The following SAMSN1 variants were observed in gnomAD, a reference collection of about 807,000 sequenced individuals.
SAMSN1 encodes the protein SAM domain, SH3 domain and nuclear localization signals 1.
SAMSN1 carries 31 observed loss-of-function variants against 42.0 expected under a neutral mutation model. The observed-to-expected ratio is 0.74, with a 90% CI of 0.55 to 1.00. SAMSN1 has a LOEUF of 1.00. Ranked by LOEUF, SAMSN1 falls within the 50% of genes least tolerant of loss-of-function variation. The pLI is 0.00. For synonymous variants in SAMSN1, 178 were observed against 151.9 expected, an observed-to-expected ratio of 1.17 and a Z score of -1.26; for missense variants, 464 against 439.4, an observed-to-expected ratio of 1.06 and a Z score of -0.50.
chr21:14,557,604 C>T (rs1180929457), intron 2 of SAMSN1, among the ~76,000 whole-genome samples: 1 of 152,188 alleles, frequency 6.6e-6, no homozygotes, highest in Non-Finnish European at 1.5e-5. Flanking sequence ...TCCCCAGCTA[C>T]CAGTTAAGGG....
At chr21:14,517,129 T>C in intron 2 of SAMSN1, 88 bp from the exon 3 acceptor site, 1 of 1,282,822 alleles carries the variant, frequency 7.8e-7, no homozygotes, top group Non-Finnish European at 1.1e-6. Flanking sequence ...CATTCTGAGT[T>C]TGTGGATTTT....
intron 5 of SAMSN1, 147 bp downstream of exon 5, chr21:14,510,163 A>T (rs577107176): frequency 1.4e-6 from 1 of 726,958 alleles, no homozygotes; most frequent in African/African-American, 1.8e-5. Context: ...AAAAGAAAAA[A>T]AGTCTTAGTA....
intron 2 of SAMSN1, chr21:14,616,158 G>T (rs1982831255): frequency 5.8e-6 from 2 of 343,984 alleles, no homozygotes; most frequent in East Asian, 4.4e-5. Context: ...TAGTGAAAAA[G>T]ACTGATATGT....
rs149301003 is a variant in SAMSN1 at position 14,498,298 on chromosome 21, C to G, written c.919+144G>C. Reference sequence around the variant, plus strand: ...CATATTTGACCAGAGTTATTGTTTTCAAACTTATATGAAAATACCTATTTT... The same window carrying G: ...CATATTTGACCAGAGTTATTGTTTTGAAACTTATATGAAAATACCTATTTT... On this transcript the variant is annotated intron_variant, in intron 7 of 7. Coordinates refer to ENST00000400566, the MANE Select transcript of SAMSN1 (RefSeq NM_022136.5). 881 of 671,726 alleles carry G rather than the reference C, an allele frequency of 1.3e-3. 6 individuals carry two copies. Among genetic ancestry groups the G allele is most frequent in the African/African-American group, 0.013 (681 of 52,818 alleles). 41.6% of individuals were successfully genotyped at this position (671,726 alleles called of 1,614,324 possible). A position where few individuals can be genotyped will look rare whatever the true frequency, so the allele number is the denominator to read the frequency against.
chr21:14,636,902 T>A (rs1230742388), intron 2 of SAMSN1, among the ~76,000 whole-genome samples: 1 of 152,208 alleles, frequency 6.6e-6, no homozygotes, highest in African/African-American at 2.4e-5. Context: ...CTGTTTATTA[T>A]CAAGTATTGT....
chr21:14,594,425 T>C (rs755321654), intron 6 of SAMSN1, among the ~76,000 whole-genome samples: 25 of 152,084 alleles, frequency 1.6e-4, no homozygotes, highest in African/African-American at 2.7e-4. Context: ...TTTAGAAGGG[T>C]TGGTGGAAAG....
At chr21:14,654,983 A>G (rs770677694) in intron 1 of SAMSN1, among the ~76,000 whole-genome samples, 1 of 152,022 alleles carries the variant, frequency 6.6e-6, no homozygotes, top group Non-Finnish European at 1.5e-5. Context: ...AAATTAAACC[A>G]TTTAATTCCA....
chr21:14,582,280 G>T lies in SAMSN1; in HGVS notation c.117C>A (p.His39Gln), dbSNP rs139465416. 7,380 of 1,550,828 alleles carry T rather than the reference G, an allele frequency of 4.8e-3. 26 individuals are homozygous for T. Among genetic ancestry groups the T allele is most frequent in the East Asian group, 0.017 (710 of 40,920 alleles). ...GAGGGTTTTCAGGAAAAGGCTTCCA[G>T]TGATGCCACATGTAAGCTTCACCTT... Residue 39 changes from histidine to glutamine, a missense_variant, in exon 2 of 9, where the codon CAC (histidine) becomes CAA (glutamine). Transcript: ENST00000285670.
intron 7 of SAMSN1, among the ~76,000 whole-genome samples, chr21:14,487,353 A>ATG (rs1986482488): frequency 1.6e-5 from 2 of 128,248 alleles, no homozygotes; most frequent in South Asian, 4.9e-4. Flanking sequence ...TTTTTTATAT[A>ATG]TATATATCTA....
chr21:14,588,376 G>C (rs1430127924), upstream of SAMSN1, among the ~76,000 whole-genome samples: 2 of 142,074 alleles, frequency 1.4e-5, no homozygotes, highest in Non-Finnish European at 1.5e-5. Flanking sequence ...GTGTAAAAGT[G>C]TTCCTATTTC....
chr21:14,546,376 C>G, upstream of SAMSN1: 1 of 1,477,142 alleles, frequency 6.8e-7, no homozygotes, highest in Non-Finnish European at 9.0e-7. Flanking sequence ...GCCCAGGGAC[C>G]TGCCACTTCC....
intron 1 of SAMSN1, among the ~76,000 whole-genome samples, chr21:14,521,714 G>A (rs1420724333): frequency 6.6e-6 from 1 of 152,110 alleles, no homozygotes; most frequent in East Asian, 1.9e-4. Flanking sequence ...CCTGTGGGGT[G>A]GAGGGCAGGG....
At chr21:14,538,665 G>T (rs1014513461) in intron 1 of SAMSN1, among the ~76,000 whole-genome samples, 1 of 152,112 alleles carries the variant, frequency 6.6e-6, no homozygotes, top group East Asian at 1.9e-4. Context: ...TGTCATCCTT[G>T]TCTAGGAGCA....
At chr21:14,630,819 T>A (rs867951437) in intron 2 of SAMSN1, among the ~76,000 whole-genome samples, 19 of 151,898 alleles carry the variant, frequency 1.3e-4, no homozygotes, top group Middle Eastern at 3.2e-3. Flanking sequence ...TTAATCTCAT[T>A]TTCTTCCTTT....
intron 2 of SAMSN1, among the ~76,000 whole-genome samples, chr21:14,577,551 C>T (rs955919758): frequency 3.3e-5 from 5 of 152,042 alleles, no homozygotes; most frequent in South Asian, 4.2e-4. Flanking sequence ...CAAACTCTAT[C>T]CTTTCTTACC....
intron 5 of SAMSN1, among the ~76,000 whole-genome samples, chr21:14,501,574 A>T (rs529254659): frequency 2.4e-4 from 36 of 152,316 alleles, no homozygotes; most frequent in African/African-American, 8.2e-4. Flanking sequence ...CTGGGGAAGG[A>T]GATGAAAGAG....
upstream of SAMSN1, among the ~76,000 whole-genome samples, chr21:14,551,161 G>A (rs1980582869): frequency 6.6e-6 from 1 of 152,068 alleles, no homozygotes; most frequent in South Asian, 2.1e-4. Flanking sequence ...AGAGTTGCTA[G>A]TCATACTCTG....
chr21:14,602,144 A>C (rs1474578228), intron 5 of SAMSN1: 5 of 516,290 alleles, frequency 9.7e-6, no homozygotes, highest in Non-Finnish European at 1.8e-5. Context: ...CAGACATTAC[A>C]GGATTTAGGA....
At chr21:14,520,689 C>G (rs113324880) in intron 2 of SAMSN1, among the ~76,000 whole-genome samples, 2 of 152,110 alleles carry the variant, frequency 1.3e-5, no homozygotes, top group African/African-American at 4.8e-5. Context: ...TGAAGCCCAC[C>G]CTTTCCCAAC....
Sources: gnomAD v4.1 joint callset for allele counts (sites outside exome capture counted in the v4.1 genomes callset) on GRCh38, gnomAD v4.1.1 for gene constraint, MANE v1.5 for transcripts, NCBI Gene and HGNC (gene_info 2026-07-23, HGNC 2026-07-21) for gene names.